Variants in CARMIL1 observed in about 807,000 individuals in gnomAD.
CARMIL1 encodes the protein F-actin-uncapping protein LRRC16A.
In CARMIL1, 90 loss-of-function variants were observed where a neutral mutation model predicts 177.1. The ratio of observed to expected loss-of-function variants is 0.51; its 90% CI spans 0.43 to 0.61. The LOEUF is 0.61. Ranked by LOEUF, CARMIL1 falls within the 20% of genes least tolerant of loss-of-function variation. CARMIL1 has a pLI of 0.00. For synonymous variants in CARMIL1, 577 were observed against 606.2 expected, an observed-to-expected ratio of 0.95 and a Z score of 0.71; for missense variants, 1,380 against 1,667.0, an observed-to-expected ratio of 0.83 and a Z score of 3.00.
At chr6:25,414,811 G>A (rs1236357618) in intron 2 of CARMIL1, among the ~76,000 whole-genome samples, 6 of 152,122 alleles carry the variant, frequency 3.9e-5, no homozygotes, top group African/African-American at 1.4e-4. Flanking sequence ...GTCTCTGGAG[G>A]CTTTCACTGA....
intron 17 of CARMIL1, among the ~76,000 whole-genome samples, chr6:25,501,977 C>T (rs1264102859): frequency 3.3e-5 from 1 of 30,748 alleles, no homozygotes; most frequent in African/African-American, 1.1e-4. Flanking sequence ...AAAAACAATA[C>T]AAAAAGACAT....
chr6:25,476,072 G>A (rs971363509), intron 11 of CARMIL1, among the ~76,000 whole-genome samples: 4 of 152,104 alleles, frequency 2.6e-5, no homozygotes, highest in African/African-American at 7.2e-5. Flanking sequence ...TCTTTAAATC[G>A]AATTTGATTG....
At chr6:25,516,538 A>G (rs902632784) in intron 21 of CARMIL1, among the ~76,000 whole-genome samples, 1 of 152,220 alleles carries the variant, frequency 6.6e-6, no homozygotes, top group Non-Finnish European at 1.5e-5. Flanking sequence ...AGCTGAAGCC[A>G]AAACCCAAAA....
intron 17 of CARMIL1, among the ~76,000 whole-genome samples, chr6:25,503,507 C>T (rs17253044): frequency 0.17 from 26,168 of 152,168 alleles, 2,436 homozygotes; most frequent in South Asian, 0.23. Flanking sequence ...GAATGCTTGA[C>T]ACTTTGAGTG....
chr6:25,439,669 G>T (rs1260024660), intron 5 of CARMIL1, among the ~76,000 whole-genome samples: 1 of 152,186 alleles, frequency 6.6e-6, no homozygotes, highest in Non-Finnish European at 1.5e-5. Context: ...AGGTCTAGGG[G>T]TCTGGTTGGG....
In CARMIL1 at chr6:25,281,136, GCACACACACACA is replaced by G. The variant is rs1554148590; in HGVS notation, c.40+1323_40+1334del. 1.4e-3 allele frequency among the ~76,000 whole-genome samples: 186 copies of G among 132,194 alleles called. 1 individual carries two copies. The highest frequency in any genetic ancestry group is 0.011 in the Middle Eastern group (3 of 262). 86.7% of individuals were successfully genotyped at this position (132,194 alleles called of 152,430 possible). On this transcript the variant is annotated intron_variant, in intron 1 of 36. Coordinates refer to ENST00000329474, the MANE Select transcript of CARMIL1 (RefSeq NM_017640.6). The stretch of plus-strand genomic sequence containing the variant: ...CAGACGCACGCGCGTGTGCGCGCGC[GCACACACACACA>G]CACACACACACACACACACACGCAC...
At chr6:25,544,066 T>G (rs1179584853) in intron 26 of CARMIL1, among the ~76,000 whole-genome samples, 1 of 152,074 alleles carries the variant, frequency 6.6e-6, no homozygotes, top group African/African-American at 2.4e-5. Flanking sequence ...CTGAAGGTAG[T>G]AAAACAGAGA....
chr6:25,483,570 C>T (rs760602860), intron 12 of CARMIL1, among the ~76,000 whole-genome samples: 2 of 149,400 alleles, frequency 1.3e-5, no homozygotes, highest in Non-Finnish European at 3.0e-5. Flanking sequence ...CCTGAGCTGT[C>T]TTATGTTTTT....
At chr6:25,389,475 A>G (rs1157288691) in intron 2 of CARMIL1, among the ~76,000 whole-genome samples, 1 of 152,056 alleles carries the variant, frequency 6.6e-6, no homozygotes, top group East Asian at 1.9e-4. Context: ...GGCATAGTCA[A>G]ATTGTTTTGC....
intron 36 of CARMIL1, among the ~76,000 whole-genome samples, chr6:25,614,027 ACTT>A (rs1816697764): frequency 6.6e-6 from 1 of 152,200 alleles, no homozygotes; most frequent in African/African-American, 2.4e-5. Context: ...TTGATAATAA[ACTT>A]CTTATGATAC....
intron 2 of CARMIL1, among the ~76,000 whole-genome samples, chr6:25,286,902 A>G (rs1456180072): frequency 6.6e-6 from 1 of 152,218 alleles, no homozygotes; most frequent in East Asian, 1.9e-4. Flanking sequence ...CTCATCTAAC[A>G]GCTGGAATTG....
rs138227949 is a variant in CARMIL1, at chr6:25,344,011, C to T, written c.138+59102C>T. ...TCCTCTGCTCTTCCACGTGGTCATT[C>T]CCCTCTTTCTTTGAAAAATTTTGTT... On this transcript the variant is annotated intron_variant, in intron 2 of 36. Coordinates refer to ENST00000329474, the MANE Select transcript of CARMIL1 (RefSeq NM_017640.6). Among the ~76,000 whole-genome samples, 1,124 of 152,220 alleles carry T rather than the reference C, an allele frequency of 7.4e-3. 11 individuals carry two copies. Among genetic ancestry groups the T allele is most frequent in the African/African-American group, 0.025 (1,036 of 41,512 alleles).
At chr6:25,567,040 C>A (rs376494385) in intron 29 of CARMIL1, among the ~76,000 whole-genome samples, 1 of 152,198 alleles carries the variant, frequency 6.6e-6, no homozygotes, top group Non-Finnish European at 1.5e-5. Context: ...TATTTTAACC[C>A]ATTTTTCAGA....
chr6:25,502,551 C>CA (rs11399077), intron 17 of CARMIL1, among the ~76,000 whole-genome samples: 110,455 of 142,266 alleles, frequency 0.78, 42,702 homozygotes, highest in East Asian at 0.91. Context: ...GACTCTATCT[C>CA]AAAAAAAAAA....
chr6:25,397,271 T>G (rs570293587), intron 2 of CARMIL1, among the ~76,000 whole-genome samples: 1 of 152,308 alleles, frequency 6.6e-6, no homozygotes, highest in South Asian at 2.1e-4. Flanking sequence ...CCTTCTTGGT[T>G]AAGCCCTCAT....
At chr6:25,371,249 C>T (rs1790401178) in intron 2 of CARMIL1, among the ~76,000 whole-genome samples, 1 of 152,160 alleles carries the variant, frequency 6.6e-6, no homozygotes, top group East Asian at 1.9e-4. Context: ...AGAATTACCT[C>T]TTTTCCTTTT....
Position 25,577,102 on chromosome 6 carries a change from T to C in CARMIL1, c.2743-3822T>C. The stretch of plus-strand genomic sequence containing the variant: ...GGTCTCCCAGGAGACTGTAGTGTTG[T>C]CATCCATCTGCAGATCCTGAATGAA... On this transcript the variant is annotated intron_variant, in intron 29 of 36. Coordinates refer to ENST00000329474, the MANE Select transcript of CARMIL1 (RefSeq NM_017640.6). The surrounding 1 kb of genome is among the most constrained non-coding windows in gnomAD (Gnocchi z 4.5). 1.0e-6 allele frequency: 1 copy of C among 985,408 alleles called. No individual in the cohort carries two copies. Among genetic ancestry groups the C allele is most frequent in the Non-Finnish European group, 1.2e-6 (1 of 829,920 alleles). 61.0% of individuals were successfully genotyped at this position (985,408 alleles called of 1,614,324 possible).
intron 24 of CARMIL1, among the ~76,000 whole-genome samples, chr6:25,533,124 G>A (rs1807936391): frequency 6.6e-6 from 1 of 152,184 alleles, no homozygotes; most frequent in Non-Finnish European, 1.5e-5. Context: ...CCTCTTTCAT[G>A]TGCACATTTT....
In CARMIL1 at chr6:25,466,304, A is replaced by G. The variant is rs577541885; in HGVS notation, c.690+356A>G. ...TATTCCTATCTTACACTCTGTCTCT[A>G]CAAAGTTTCCCTTCCTAGGAATTTA... On this transcript the variant is annotated intron_variant, in intron 9 of 36. Coordinates refer to ENST00000329474, the MANE Select transcript of CARMIL1 (RefSeq NM_017640.6). 2.6e-5 allele frequency among the ~76,000 whole-genome samples: 4 copies of G among 152,310 alleles called. No individual in the cohort carries two copies. In the South Asian group the frequency reaches 8.3e-4, roughly 32 times the overall value.
Sources: allele counts gnomAD v4.1 joint callset (sites outside exome capture counted in the v4.1 genomes callset), GRCh38; gene constraint gnomAD v4.1.1; non-coding constraint Gnocchi (gnomAD v3.1); transcripts MANE v1.5; gene names NCBI Gene and HGNC (gene_info 2026-07-23, HGNC 2026-07-21).